The following ATXN1 variants were observed in gnomAD, a reference collection of about 807,000 sequenced individuals.
ATXN1 encodes the protein ataxin 1.
A neutral mutation model predicts 56.4 loss-of-function variants in ATXN1; 8 were observed. The observed-to-expected ratio is 0.14, with a 90% CI of 0.08 to 0.26. ATXN1 has a LOEUF of 0.26. Among genes scored for constraint, ATXN1 ranks in the 10% least tolerant of loss-of-function variants. ATXN1 has a pLI of 1.00. For synonymous variants in ATXN1, 514 were observed against 494.6 expected, an observed-to-expected ratio of 1.04 and a Z score of -0.52; for missense variants, 987 against 1,106.5, an observed-to-expected ratio of 0.89 and a Z score of 1.53.
chr6:16,446,676 A>C (rs1759642881), intron 6 of ATXN1, among the ~76,000 whole-genome samples: 1 of 152,212 alleles, frequency 6.6e-6, no homozygotes, highest in Middle Eastern at 3.2e-3. Context: ...TTTTTCTATT[A>C]AAGGAACTTT....
intron 5 of ATXN1, among the ~76,000 whole-genome samples, chr6:16,503,327 A>G (rs1760918776): frequency 1.3e-5 from 2 of 152,302 alleles, no homozygotes; most frequent in African/African-American, 4.8e-5. Flanking sequence ...ACTCCTTAAC[A>G]TGGCCTATGA....
At chr6:16,743,193 A>G (rs1053368796) in intron 2 of ATXN1, among the ~76,000 whole-genome samples, 4 of 152,246 alleles carry the variant, frequency 2.6e-5, no homozygotes, top group Non-Finnish European at 4.4e-5. Context: ...TTCAATAATA[A>G]TAGTGTTTTG....
intron 6 of ATXN1, among the ~76,000 whole-genome samples, chr6:16,339,300 A>G (rs1761191799): frequency 6.6e-6 from 1 of 152,232 alleles, no homozygotes; most frequent in Non-Finnish European, 1.5e-5. Flanking sequence ...TCAAGTCAGG[A>G]AAAAGGTCTC....
chr6:16,611,109 A>C (rs1352882551), intron 3 of ATXN1, among the ~76,000 whole-genome samples: 1 of 152,216 alleles, frequency 6.6e-6, no homozygotes. Context: ...ACAGATATAG[A>C]TAATCCTTAT....
chr6:16,453,826 T>C (rs1759806657), intron 6 of ATXN1, among the ~76,000 whole-genome samples: 1 of 152,174 alleles, frequency 6.6e-6, no homozygotes, highest in Non-Finnish European at 1.5e-5. Context: ...AGTAACATGC[T>C]TGAATTCAAG....
rs576158565 is a variant in ATXN1, at chr6:16,618,754, A to G, written c.-488-32847T>C. Among the ~76,000 whole-genome samples the G allele has an allele frequency of 2.6e-3, 319 of 123,624 alleles. 2 individuals are homozygous for G. In the Middle Eastern group the frequency reaches 0.028, roughly 11 times the overall value. 81.1% of individuals were successfully genotyped at this position (123,624 alleles called of 152,430 possible). ...AAAAAAAAAAGGATTCAACTGTGGG[A>G]AAAAAAAAAAGCAAAACACTTTTTG... On this transcript the variant is annotated intron_variant, in intron 3 of 7. Coordinates refer to ENST00000436367, the MANE Select transcript of ATXN1 (RefSeq NM_001128164.2).
chr6:16,373,800 T>C (rs542069112), intron 6 of ATXN1, among the ~76,000 whole-genome samples: 3 of 152,328 alleles, frequency 2.0e-5, no homozygotes, highest in African/African-American at 7.2e-5. Context: ...GTGAGTCCAT[T>C]AAACCTCTTT....
At chr6:16,598,858 T>A (rs1293759468) in intron 3 of ATXN1, among the ~76,000 whole-genome samples, 1 of 152,222 alleles carries the variant, frequency 6.6e-6, no homozygotes, top group Non-Finnish European at 1.5e-5. Flanking sequence ...GCTGCTGACA[T>A]AGAAACTGGC....
chr6:16,555,961 T>C (rs1332312261), intron 4 of ATXN1, among the ~76,000 whole-genome samples: 1 of 152,206 alleles, frequency 6.6e-6, no homozygotes, highest in African/African-American at 2.4e-5. Context: ...CCTCTCTAGT[T>C]TGGCTTTCTT....
At chr6:16,584,324 ATT>A (rs1341264234) in intron 4 of ATXN1, among the ~76,000 whole-genome samples, 1 of 150,726 alleles carries the variant, frequency 6.6e-6, no homozygotes, top group East Asian at 1.9e-4. Flanking sequence ...GCACATACAT[ATT>A]TTTAAACTAA....
chr6:16,381,795 A>T (rs190854306), intron 6 of ATXN1, among the ~76,000 whole-genome samples: 1 of 152,216 alleles, frequency 6.6e-6, no homozygotes, highest in Admixed American at 6.5e-5. Context: ...AGACTCCACT[A>T]TTTCTCAGGT....
intron 4 of ATXN1, among the ~76,000 whole-genome samples, chr6:16,546,480 C>G (rs1464732584): frequency 6.6e-6 from 1 of 152,130 alleles, no homozygotes; most frequent in Non-Finnish European, 1.5e-5. Flanking sequence ...CTTACCACTC[C>G]CTTCAGACGT....
chr6:16,320,274 G>C (rs1273318448), intron 7 of ATXN1, among the ~76,000 whole-genome samples: 1 of 152,118 alleles, frequency 6.6e-6, no homozygotes, highest in Non-Finnish European at 1.5e-5. Context: ...CAGCCAGTAA[G>C]TACATCATGA....
chr6:16,346,617 C>T (rs1261547392), intron 6 of ATXN1, among the ~76,000 whole-genome samples: 2 of 152,232 alleles, frequency 1.3e-5, no homozygotes, highest in African/African-American at 4.8e-5. Context: ...CATTTGATAA[C>T]TCGTGACTTT....
intron 5 of ATXN1, among the ~76,000 whole-genome samples, chr6:16,497,891 A>C (rs764427254): frequency 6.6e-6 from 1 of 152,212 alleles, no homozygotes; most frequent in Non-Finnish European, 1.5e-5. Flanking sequence ...AAACAGAATA[A>C]GATGAAAATG....
At position 16,306,161 on chromosome 6, in the gene ATXN1, T is replaced by G; in HGVS notation, c.*168A>C. On this transcript the variant is annotated 3_prime_UTR_variant, in exon 8 of 8. Transcript: ENST00000436367. The surrounding 1 kb of genome is among the most constrained non-coding windows in gnomAD (Gnocchi z 5.2). ...GACAGACACTCGTGGAAAAAGCATA[T>G]GCACCAGTCTCCTGCGACACACCTG... is the stretch of plus-strand genomic sequence containing the variant. The G allele has an allele frequency of 1.2e-6, 1 of 839,996 alleles. No homozygotes were observed. The highest frequency in any genetic ancestry group is 1.8e-6 in the Non-Finnish European group (1 of 555,042). 52.0% of individuals were successfully genotyped at this position (839,996 alleles called of 1,614,324 possible). A position where few individuals can be genotyped will look rare whatever the true frequency, so the allele number is the denominator to read the frequency against.
intron 6 of ATXN1, among the ~76,000 whole-genome samples, chr6:16,442,773 A>T (rs796162723): frequency 6.6e-5 from 10 of 151,820 alleles, no homozygotes; most frequent in African/African-American, 2.4e-4. Flanking sequence ...ACACTTTGGG[A>T]GGCCAAGGCG....
At chr6:16,411,125 CAAAA>C (rs746717153) in intron 6 of ATXN1, among the ~76,000 whole-genome samples, 3 of 80,690 alleles carry the variant, frequency 3.7e-5, no homozygotes, top group Non-Finnish European at 7.1e-5. Flanking sequence ...ACCTCTGTGT[CAAAA>C]AAAAAAAAAA....
At chr6:16,656,981 C>CTTTTT (rs869034865) in intron 3 of ATXN1, among the ~76,000 whole-genome samples, 5 of 120,394 alleles carry the variant, frequency 4.2e-5, no homozygotes, top group African/African-American at 1.6e-4. Context: ...GTATTATAAT[C>CTTTTT]TTTTTTTTTT....
Sources: allele counts gnomAD v4.1 joint callset (sites outside exome capture counted in the v4.1 genomes callset), GRCh38; gene constraint gnomAD v4.1.1; non-coding constraint Gnocchi (gnomAD v3.1); transcripts MANE v1.5; gene names NCBI Gene and HGNC (gene_info 2026-07-23, HGNC 2026-07-21).